Variants in NEURL2 observed in about 807,000 individuals in gnomAD.
NEURL2 encodes neuralized E3 ubiquitin protein ligase 2, also known as neuralized-like protein 2.
Under a neutral mutation model 15.9 loss-of-function variants are expected in NEURL2, and 16 were observed. The ratio of observed to expected loss-of-function variants is 1.01; its 90% CI spans 0.68 to 1.53. NEURL2 has a LOEUF of 1.53. NEURL2 is among the 40% of genes most tolerant of loss of function. NEURL2 has a pLI of 0.00. For missense variants in NEURL2, 393 were observed against 407.8 expected (o/e 0.96, Z 0.31); for synonymous variants, 188 against 178.3 (o/e 1.05, Z -0.43).
In NEURL2 at chr20:45,891,087, C is replaced by T. The variant is rs1164060359; in HGVS notation, c.-96G>A. Reference sequence around the variant, plus strand: ...AGGCGACCTTGTAAGGCATTTCCCCCCTGACTCCCTTCCCCGAGCCTCTGC... The same window carrying T: ...AGGCGACCTTGTAAGGCATTTCCCCTCTGACTCCCTTCCCCGAGCCTCTGC... On this transcript the variant is annotated 5_prime_UTR_variant, in exon 1 of 2. Coordinates refer to ENST00000372518, the MANE Select transcript of NEURL2 (RefSeq NM_080749.4). The surrounding 1 kb of genome is among the most constrained non-coding windows in gnomAD (Gnocchi z 4.6). The T allele has an allele frequency of 3.1e-6, 4 of 1,288,334 alleles. No homozygotes were observed. Among genetic ancestry groups the T allele is most frequent in the African/African-American group, 1.5e-5 (1 of 67,188 alleles). 79.8% of individuals were successfully genotyped at this position (1,288,334 alleles called of 1,614,324 possible).
chr20:45,890,967 C>T lies in NEURL2; in HGVS notation c.25G>A (p.Asp9Asn), dbSNP rs1986782796. Residue 9 changes from aspartate to asparagine, a missense_variant, in exon 1 of 2, where the codon GAT becomes AAT. Asp to Asn is a conservative substitution (Grantham distance 23). Coordinates refer to ENST00000372518, the MANE Select transcript of NEURL2 (RefSeq NM_080749.4). ...TCGAGTCCCCAGAGTGCACCCGAAT[C>T]CACGGGCTCGGAGGCAGCAGCCATC... Reference protein sequence around the residue: MAAASEPVDSGALWGLERP... With the variant: MAAASEPVNSGALWGLERP... The T allele has an allele frequency of 6.7e-7, 1 of 1,499,896 alleles. No homozygotes were observed. The highest frequency in any genetic ancestry group is 8.9e-7 in the Non-Finnish European group (1 of 1,124,182). The allele number at this position is 1,499,896 out of a possible 1,614,324, so 92.9% of individuals were successfully genotyped here.
rs772110184 is a variant in NEURL2 at position 45,890,463 on chromosome 20, C to G, written c.529G>C (p.Glu177Gln). The change falls in exon 1 of 2, where the codon GAG becomes CAG. Residue 177 changes from glutamate (E) to glutamine (Q), a missense_variant. By Grantham distance (29) the Glu-to-Gln change is conservative. Transcript: ENST00000372518. The part of the protein sequence containing the change: ...LYSHLLDQLY[E>Q]LNVLPPTARR... The stretch of plus-strand genomic sequence containing the variant: ...GCGGTCGGAGGCAGCACGTTCAGCT[C>G]ATAGAGCTGGTCCAAGAGATGGCTG... The G allele has an allele frequency of 6.2e-7, 1 of 1,603,838 alleles. No homozygotes were observed. The highest frequency in any genetic ancestry group is 8.5e-7 in the Non-Finnish European group (1 of 1,174,924).
Position 45,888,812 on chromosome 20 carries a change from G to GGCCAGCC in NEURL2, c.797_803dup (p.Ile269AlafsTer4). On this transcript the variant is annotated frameshift_variant, in exon 2 of 2. Coordinates refer to ENST00000372518, the MANE Select transcript of NEURL2 (RefSeq NM_080749.4). LOFTEE classifies it high-confidence loss of function. Reference sequence around the variant, plus strand: ...CTTTGGGCAGGTGGAGCCCATCAATGGCCAGCCGGTGCACCATGCTCCTTT... The same window carrying GGCCAGCC: ...CTTTGGGCAGGTGGAGCCCATCAATGGCCAGCCGCCAGCCGGTGCACCATGCTCCTTT... The GGCCAGCC allele has an allele frequency of 6.2e-7, 1 of 1,614,100 alleles. No homozygotes were observed. Among genetic ancestry groups the GGCCAGCC allele is most frequent in the Non-Finnish European group, 8.5e-7 (1 of 1,179,968 alleles).
chr20:45,889,357 C>CTTT (rs10709455), intron 1 of NEURL2, among the ~76,000 whole-genome samples: 155 of 145,736 alleles, frequency 1.1e-3, no homozygotes, highest in African/African-American at 3.8e-3. Context: ...TCTTTTCTTT[C>CTTT]TTTTTTTTTT....
chr20:45,888,751 T>A lies in NEURL2; in HGVS notation c.*7A>T. 1 of 1,613,884 alleles carries A rather than the reference T, an allele frequency of 6.2e-7. No homozygotes were observed. Among genetic ancestry groups the A allele is most frequent in the Non-Finnish European group, 8.5e-7 (1 of 1,179,968 alleles). ...GATGCAGCTGTGCTCTGGTGCACTG[T>A]GGGTCTTCACTCATACTTGCAGAAA... On this transcript the variant is annotated 3_prime_UTR_variant, in exon 2 of 2. Transcript: ENST00000372518.
At position 45,891,126 on chromosome 20, in the gene NEURL2, CGCCGCTTTCTCA is replaced by C; in HGVS notation, c.-147_-136del. The C allele has an allele frequency of 9.2e-7, 1 of 1,084,640 alleles. No homozygotes were observed. Among genetic ancestry groups the C allele is most frequent in the Non-Finnish European group, 1.3e-6 (1 of 763,234 alleles). The allele number at this position is 1,084,640 out of a possible 1,614,324, so 67.2% of individuals were successfully genotyped here. A position where few individuals can be genotyped will look rare whatever the true frequency, so the allele number is the denominator to read the frequency against. On this transcript the variant is annotated 5_prime_UTR_variant, in exon 1 of 2. Coordinates refer to ENST00000372518, the MANE Select transcript of NEURL2 (RefSeq NM_080749.4). This position sits in a 1 kb window ranked among gnomAD's most constrained non-coding sequence, Gnocchi z 4.6. The stretch of plus-strand genomic sequence containing the variant: ...CCGAGCCTCTGCCCGGGGGTCCTAG[CGCCGCTTTCTCA>C]GCCATCCCGCCTACAACTTAGCCGT...
In NEURL2 at chr20:45,890,868, G is replaced by T; in HGVS notation, c.124C>A (p.Arg42=). The change falls in exon 1 of 2, where the codon CGG becomes AGG. Residue 42 remains arginine (R), a synonymous_variant. Coordinates refer to ENST00000372518, the MANE Select transcript of NEURL2 (RefSeq NM_080749.4). The stretch of plus-strand genomic sequence containing the variant: ...GCGAAGCTCTCCACGCGTGTGGCCC[G>T]CGTCCCAGAGGGGTCCACGCGGATG... ...ANIRVDPSGT[R]ATRVESFAHG... 1 of 1,569,718 alleles carries T rather than the reference G, an allele frequency of 6.4e-7. No homozygotes were observed. Among genetic ancestry groups the T allele is most frequent in the Non-Finnish European group, 8.6e-7 (1 of 1,156,962 alleles).
intron 1 of NEURL2, 92 bp from the exon 2 acceptor site, chr20:45,888,965 C>CATTAAATGTGGGCAAGTCCTT: frequency 6.8e-7 from 1 of 1,469,592 alleles, no homozygotes; most frequent in South Asian, 1.2e-5. Flanking sequence ...CCCACTTTGT[C>CATTAAATGTGGGCAAGTCCTT]ATTAAATGTG....
rs150038641 is a variant in NEURL2, at chr20:45,890,252, C to G, written c.740G>C (p.Gly247Ala). The G allele has an allele frequency of 1.9e-6, 3 of 1,613,872 alleles. No individual in the cohort carries two copies. Among genetic ancestry groups the G allele is most frequent in the Non-Finnish European group, 2.5e-6 (3 of 1,180,036 alleles). Residue 247 changes from glycine (G) to alanine (A), a missense_variant and splice_region_variant, in exon 1 of 2, where the codon GGC (glycine) becomes GCC (alanine). Gly to Ala is a moderately conservative substitution (Grantham distance 60). Coordinates refer to ENST00000372518, the MANE Select transcript of NEURL2 (RefSeq NM_080749.4). The stretch of plus-strand genomic sequence containing the variant: ...GGTCGCTGCCCAGGGATACCTACAG[C>G]CATACTCGAGCTGGACAAGGCGCAC... ...KSVRLVQLEY[G>A]LPSLQTLCRL...
rs1317665174 is a variant in NEURL2, at chr20:45,890,359, C to T, written c.633G>A (p.Glu211=). The change falls in exon 1 of 2, where the codon GAG becomes GAA. Residue 211 remains glutamate (E), a synonymous_variant. Coordinates refer to ENST00000372518, the MANE Select transcript of NEURL2 (RefSeq NM_080749.4). ...GTCCCCGGGCGCTCGGGCCCATGTCCTCGCCGTTGATGATGATGTGCATGT... is the reference window on the plus strand; with the variant it reads ...GTCCCCGGGCGCTCGGGCCCATGTCTTCGCCGTTGATGATGATGTGCATGT... ...TADMHIIING[E]DMGPSARGLP... 6.2e-7 allele frequency: 1 copy of T among 1,612,886 alleles called. No individual in the cohort carries two copies. Among genetic ancestry groups the T allele is most frequent in the Admixed American group, 1.7e-5 (1 of 60,004 alleles).
chr20:45,889,367 T>A (rs1224882988), intron 1 of NEURL2, among the ~76,000 whole-genome samples: 1 of 152,004 alleles, frequency 6.6e-6, no homozygotes, highest in Admixed American at 6.6e-5. Context: ...CTTTTTTTTT[T>A]TTTATTTAAA....
chr20:45,890,929 G>A lies in NEURL2; in HGVS notation c.63C>T (p.Pro21=), dbSNP rs1986777781. Residue 21 remains proline (P), a synonymous_variant, in exon 1 of 2, where the codon CCC becomes CCT. Coordinates refer to ENST00000372518, the MANE Select transcript of NEURL2 (RefSeq NM_080749.4). ...GALWGLERPE[P]PPTRFHRVHG... is the part of the protein sequence containing the mutation. The stretch of plus-strand genomic sequence containing the variant: ...GCACCCGATGGAAGCGGGTGGGAGG[G>A]GGCTCCGGGCGCTCGAGTCCCCAGA... 2.6e-6 allele frequency: 4 copies of A among 1,526,988 alleles called. No individual in the cohort carries two copies. Among genetic ancestry groups the A allele is most frequent in the Middle Eastern group, 1.7e-4 (1 of 5,794 alleles). The allele number at this position is 1,526,988 out of a possible 1,614,324, so 94.6% of individuals were successfully genotyped here. A position where few individuals can be genotyped will look rare whatever the true frequency, so the allele number is the denominator to read the frequency against.
chr20:45,888,801 A>G lies in NEURL2; in HGVS notation c.815T>C (p.Leu272Pro), dbSNP rs771986354. Reference sequence around the variant, plus strand: ...ATCCTTAAGTTCTTTGGGCAGGTGGAGCCCATCAATGGCCAGCCGGTGCAC... The same window carrying G: ...ATCCTTAAGTTCTTTGGGCAGGTGGGGCCCATCAATGGCCAGCCGGTGCAC... ...SMVHRLAIDG[L>P]HLPKELKDFC... The change falls in exon 2 of 2, where the codon CTC (leucine) becomes CCC (proline). Residue 272 changes from leucine to proline, a missense_variant. Leu to Pro is a moderately conservative substitution (Grantham distance 98). Transcript: ENST00000372518. The G allele has an allele frequency of 1.9e-6, 3 of 1,613,992 alleles. No homozygotes were observed. The highest frequency in any genetic ancestry group is 2.2e-5 in the South Asian group (2 of 91,088).
chr20:45,889,533 TG>T (rs537830486), intron 1 of NEURL2, among the ~76,000 whole-genome samples: 78 of 152,228 alleles, frequency 5.1e-4, no homozygotes, highest in African/African-American at 1.8e-3. Context: ...TTTAATTTTT[TG>T]TACAGATGGG....
At position 45,890,653 on chromosome 20, in the gene NEURL2, GAA is replaced by G; in HGVS notation, c.337_338del (p.Phe113ArgfsTer37). On this transcript the variant is annotated frameshift_variant, in exon 1 of 2. Coordinates refer to ENST00000372518, the MANE Select transcript of NEURL2 (RefSeq NM_080749.4). LOFTEE classifies it high-confidence loss of function. Reference sequence around the variant, plus strand: ...CGCGGTTGTGGTGGCGCGTGATGGCGAAGACCCAGGTGTGGCCCAGGTTGACC... The same window carrying G: ...CGCGGTTGTGGTGGCGCGTGATGGCGGACCCAGGTGTGGCCCAGGTTGACC... Reference protein sequence around the residue: ...DLVNLGHTWVFAITRHHNRVP... With the variant: ...DLVNLGHTWVXAITRHHNRVP... The G allele has an allele frequency of 6.2e-7, 1 of 1,613,490 alleles. No homozygotes were observed. Among genetic ancestry groups the G allele is most frequent in the Non-Finnish European group, 8.5e-7 (1 of 1,179,828 alleles).
chr20:45,890,628 C>T lies in NEURL2; in HGVS notation c.364G>A (p.Val122Met). Residue 122 changes from valine (V) to methionine (M), a missense_variant, in exon 1 of 2, where the codon GTG (valine) becomes ATG (methionine). Val to Met is a conservative substitution (Grantham distance 21). Transcript: ENST00000372518. ...GCCTCCGGGCGGCCCTCCCGGGGCA[C>T]GCGGTTGTGGTGGCGCGTGATGGCG... is the stretch of plus-strand genomic sequence containing the variant. ...VFAITRHHNR[V>M]PREGRPEAEA... is the part of the protein sequence containing the mutation. 6.2e-7 allele frequency: 1 copy of T among 1,613,054 alleles called. No individual in the cohort carries two copies. The highest frequency in any genetic ancestry group is 8.5e-7 in the Non-Finnish European group (1 of 1,179,652).
chr20:45,890,269 A>G lies in NEURL2; in HGVS notation c.723T>C (p.Leu241=). ...DVFASTKSVR[L]VQLEYGLPSL... is the part of the protein sequence containing the mutation. ...ACCTACAGCCATACTCGAGCTGGAC[A>G]AGGCGCACGCTCTTTGTGGAAGCAA... The change falls in exon 1 of 2, where the codon CTT becomes CTC. Residue 241 remains leucine (L), a synonymous_variant. Coordinates refer to ENST00000372518, the MANE Select transcript of NEURL2 (RefSeq NM_080749.4). 6.2e-7 allele frequency: 1 copy of G among 1,613,806 alleles called. No individual in the cohort carries two copies. The highest frequency in any genetic ancestry group is 8.5e-7 in the Non-Finnish European group (1 of 1,180,040).
intron 1 of NEURL2, 25 bp downstream of exon 1, chr20:45,890,225 G>A: frequency 6.2e-7 from 1 of 1,613,730 alleles, no homozygotes. Context: ...TGAGCCAGGA[G>A]GGGTCGCTGC....
chr20:45,888,966 A>G (rs979046885), intron 1 of NEURL2, 93 bp from the exon 2 acceptor site: 95 of 1,461,904 alleles, frequency 6.5e-5, no homozygotes, highest in Non-Finnish European at 8.5e-5. Flanking sequence ...CCACTTTGTC[A>G]TTAAATGTGG....
Sources: allele counts gnomAD v4.1 joint callset (sites outside exome capture counted in the v4.1 genomes callset), GRCh38; gene constraint gnomAD v4.1.1; non-coding constraint Gnocchi (gnomAD v3.1); transcripts MANE v1.5; gene names NCBI Gene and HGNC (gene_info 2026-07-23, HGNC 2026-07-21).